The following COG5 variants were observed in gnomAD, a reference collection of about 807,000 sequenced individuals.
COG5 encodes component of oligomeric golgi complex 5.
A neutral mutation model predicts 110.4 loss-of-function variants in COG5; 86 were observed. The ratio of observed to expected loss-of-function variants is 0.78; its 90% confidence interval spans 0.65 to 0.93. COG5 has a LOEUF of 0.93. Ranked by LOEUF, COG5 falls within the 40% of genes least tolerant of loss-of-function variation. The pLI is 0.00. For synonymous variants in COG5, 360 were observed against 334.6 expected (o/e 1.08, Z -0.83); for missense variants, 1,077 against 987.0 (o/e 1.09, Z -1.22).
chr7:107,444,538 G>A (rs998236001), intron 6 of COG5, among the ~76,000 whole-genome samples: 4 of 152,102 alleles, frequency 2.6e-5, no homozygotes, highest in Non-Finnish European at 4.4e-5. Context: ...TTTATTTAAT[G>A]AAACTTGTTC....
At chr7:107,207,370 C>G (rs1798861252) in intron 21 of COG5, among the ~76,000 whole-genome samples, 1 of 152,176 alleles carries the variant, frequency 6.6e-6, no homozygotes, top group Non-Finnish European at 1.5e-5. Context: ...ATTGTGGACC[C>G]TGGACCATGG....
Position 107,491,570 on chromosome 7 carries a change from C to T in COG5, c.538+35667G>A, listed in dbSNP as rs1584890345. Among the ~76,000 whole-genome samples, 3 of 152,096 alleles carry T rather than the reference C, an allele frequency of 2.0e-5. No homozygotes were observed. In the East Asian group the frequency reaches 5.8e-4, roughly 29 times the overall value. On this transcript the variant is annotated intron_variant, in intron 6 of 21. Coordinates refer to ENST00000297135, the MANE Select transcript of COG5 (RefSeq NM_006348.5). ...AAATATGGCTTTCATTTTCAAAGCC[C>T]TTTTAGCAAAGGAACTTTTTCTTTT...
intron 6 of COG5, among the ~76,000 whole-genome samples, chr7:107,440,131 C>T (rs1025921350): frequency 1.3e-5 from 2 of 152,162 alleles, no homozygotes; most frequent in African/African-American, 2.4e-5. Flanking sequence ...GTAAAGGGTA[C>T]TGTGTAAGAA....
At chr7:107,304,233 T>C (rs922404254) in intron 11 of COG5, among the ~76,000 whole-genome samples, 2 of 152,162 alleles carry the variant, frequency 1.3e-5, no homozygotes, top group Non-Finnish European at 2.9e-5. Context: ...CTAATTCACA[T>C]GAAGATTAAA....
intron 6 of COG5, among the ~76,000 whole-genome samples, chr7:107,465,743 T>C (rs1439876247): frequency 6.6e-6 from 1 of 152,178 alleles, no homozygotes; most frequent in East Asian, 1.9e-4. Flanking sequence ...AGTAGTATAG[T>C]GGATGTTACT....
At chr7:107,275,147 G>A (rs543141108) in intron 14 of COG5, among the ~76,000 whole-genome samples, 3 of 152,162 alleles carry the variant, frequency 2.0e-5, no homozygotes, top group East Asian at 3.9e-4. Flanking sequence ...AACGTAAGAA[G>A]AGAGGTAACA....
chr7:107,352,623 T>C (rs1338603344), intron 10 of COG5, among the ~76,000 whole-genome samples: 1 of 152,172 alleles, frequency 6.6e-6, no homozygotes, highest in Non-Finnish European at 1.5e-5. Flanking sequence ...ATTGAAAAGA[T>C]TTCAAATTTG....
At chr7:107,311,298 G>A (rs998439059) in intron 11 of COG5, among the ~76,000 whole-genome samples, 2 of 146,502 alleles carry the variant, frequency 1.4e-5, no homozygotes, top group African/African-American at 5.0e-5. Context: ...TTGCTGATTT[G>A]ATAGATGAGA....
intron 6 of COG5, among the ~76,000 whole-genome samples, chr7:107,504,367 A>G (rs1798830809): frequency 6.6e-6 from 1 of 152,148 alleles, no homozygotes; most frequent in Admixed American, 6.5e-5. Flanking sequence ...ACCATGCATT[A>G]TCTTTTTGAT....
intron 5 of COG5, among the ~76,000 whole-genome samples, chr7:107,537,626 T>C (rs572364524): frequency 1.3e-5 from 2 of 151,800 alleles, no homozygotes; most frequent in Non-Finnish European, 2.9e-5. Flanking sequence ...TTAGAAGAAA[T>C]ATCTAATGTA....
chr7:107,229,000 G>C (rs919782790), intron 19 of COG5, among the ~76,000 whole-genome samples: 2 of 151,950 alleles, frequency 1.3e-5, no homozygotes, highest in Non-Finnish European at 2.9e-5. Flanking sequence ...CTGCATACCT[G>C]TACTCTGTTA....
intron 16 of COG5, among the ~76,000 whole-genome samples, chr7:107,250,405 G>T (rs1024039551): frequency 1.3e-5 from 2 of 151,664 alleles, no homozygotes; most frequent in East Asian, 3.9e-4. Flanking sequence ...CAAGCTAATT[G>T]CCTGTAAAGC....
At chr7:107,223,299 T>C (rs2107319) in intron 19 of COG5, among the ~76,000 whole-genome samples, 30,623 of 152,098 alleles carry the variant, frequency 0.2, 3,200 homozygotes, top group Non-Finnish European at 0.22. Context: ...TGGAGGCCTG[T>C]AGAAGGTGAG....
intron 11 of COG5, among the ~76,000 whole-genome samples, chr7:107,305,002 G>T (rs915614464): frequency 6.6e-6 from 1 of 152,160 alleles, no homozygotes; most frequent in East Asian, 1.9e-4. Context: ...AAGTCATTAT[G>T]TAACATAATG....
At chr7:107,392,012 AC>A (rs1398993499) in intron 7 of COG5, among the ~76,000 whole-genome samples, 1 of 151,998 alleles carries the variant, frequency 6.6e-6, no homozygotes, top group Non-Finnish European at 1.5e-5. Context: ...AAATGCTTGA[AC>A]CTGGGAGGTG....
intron 8 of COG5, among the ~76,000 whole-genome samples, chr7:107,362,828 A>T (rs973075692): frequency 1.3e-4 from 19 of 151,648 alleles, no homozygotes; most frequent in African/African-American, 4.1e-4. Flanking sequence ...AAAAAAAAAA[A>T]CCCTAAAACT....
At chr7:107,409,551 A>G (rs1317338638) in intron 7 of COG5, among the ~76,000 whole-genome samples, 2 of 152,250 alleles carry the variant, frequency 1.3e-5, no homozygotes, top group Non-Finnish European at 1.5e-5. Context: ...AAATAGTTAC[A>G]TAATAAGATA....
At chr7:107,531,082 G>C (rs1801169684) in intron 5 of COG5, among the ~76,000 whole-genome samples, 1 of 151,690 alleles carries the variant, frequency 6.6e-6, no homozygotes, top group Non-Finnish European at 1.5e-5. Context: ...ATACCTAAGT[G>C]CTATGGTTTA....
At chr7:107,302,831 A>T (rs1345070125) in intron 11 of COG5, among the ~76,000 whole-genome samples, 2 of 152,170 alleles carry the variant, frequency 1.3e-5, no homozygotes, top group African/African-American at 4.8e-5. Context: ...TACATGCACC[A>T]TCCACATGGG....
Sources: gnomAD v4.1 joint callset for allele counts (sites outside exome capture counted in the v4.1 genomes callset) on GRCh38, gnomAD v4.1.1 for gene constraint, MANE v1.5 for transcripts, NCBI Gene and HGNC (gene_info 2026-07-23, HGNC 2026-07-21) for gene names.